SPATA16: variants seen among roughly 807,000 people sequenced by gnomAD.
SPATA16 encodes the protein spermatogenesis-associated protein 16.
A neutral mutation model predicts 63.3 loss-of-function variants in SPATA16; 36 were observed. The ratio of observed to expected loss-of-function variants is 0.57; its 90% confidence interval spans 0.44 to 0.75. SPATA16 has a LOEUF of 0.75. Ranked by LOEUF, SPATA16 falls within the 30% of genes least tolerant of loss-of-function variation. SPATA16 has a pLI of 0.00. For synonymous variants in SPATA16, 203 were observed against 216.7 expected, an observed-to-expected ratio of 0.94 and a Z score of 0.56; for missense variants, 646 against 679.3, an observed-to-expected ratio of 0.95 and a Z score of 0.54.
chr3:172,940,875 C>A (rs1051775879), intron 6 of SPATA16, among the ~76,000 whole-genome samples: 1 of 151,812 alleles, frequency 6.6e-6, no homozygotes, highest in Non-Finnish European at 1.5e-5. Flanking sequence ...CACAGCTACT[C>A]GGGAGGCTGA....
At chr3:172,922,321 T>C (rs1020936177) in intron 8 of SPATA16, among the ~76,000 whole-genome samples, 7 of 152,222 alleles carry the variant, frequency 4.6e-5, no homozygotes, top group African/African-American at 1.4e-4. Flanking sequence ...TGAAATTCCT[T>C]GCAGACAGCA....
At chr3:173,098,738 A>G (rs1011177368) in intron 2 of SPATA16, among the ~76,000 whole-genome samples, 4 of 152,188 alleles carry the variant, frequency 2.6e-5, no homozygotes, top group South Asian at 4.1e-4. Context: ...AGCAATGTGC[A>G]CTTACCAAAA....
intron 2 of SPATA16, among the ~76,000 whole-genome samples, chr3:173,086,573 T>C (rs1450275304): frequency 1.7e-4 from 26 of 152,192 alleles, no homozygotes; most frequent in Non-Finnish European, 3.5e-4. Context: ...TCTTGTATTC[T>C]GCTAGCTTTA....
At chr3:173,013,378 G>C (rs1465116582) in intron 4 of SPATA16, among the ~76,000 whole-genome samples, 1 of 152,180 alleles carries the variant, frequency 6.6e-6, no homozygotes, top group African/African-American at 2.4e-5. Context: ...AAGTGTTGCA[G>C]AATCAGGAGG....
At chr3:172,951,843 A>G (rs986904326) in intron 6 of SPATA16, among the ~76,000 whole-genome samples, 1 of 152,224 alleles carries the variant, frequency 6.6e-6, no homozygotes, top group Non-Finnish European at 1.5e-5. Flanking sequence ...GCTAGTCTCC[A>G]AGTTTTAATG....
chr3:173,099,097 C>T (rs934874520), intron 2 of SPATA16, among the ~76,000 whole-genome samples: 4 of 152,142 alleles, frequency 2.6e-5, no homozygotes, highest in South Asian at 4.1e-4. Flanking sequence ...GATAATCCTC[C>T]TTCTGACATA....
At chr3:173,046,457 T>G (rs1462347392) in intron 3 of SPATA16, among the ~76,000 whole-genome samples, 2 of 152,026 alleles carry the variant, frequency 1.3e-5, no homozygotes, top group African/African-American at 4.8e-5. Context: ...GTCTTCTCTA[T>G]GACAAAACAA....
chr3:172,999,701 A>G (rs1410185620), intron 4 of SPATA16, among the ~76,000 whole-genome samples: 1 of 152,200 alleles, frequency 6.6e-6, no homozygotes, highest in Non-Finnish European at 1.5e-5. Flanking sequence ...GGCGTGAGCC[A>G]CTGCGCCTGG....
At chr3:173,072,122 A>T (rs1736689586) in intron 2 of SPATA16, among the ~76,000 whole-genome samples, 1 of 152,140 alleles carries the variant, frequency 6.6e-6, no homozygotes, top group Admixed American at 6.5e-5. Context: ...TCACACATCC[A>T]TCCCTGTGCT....
chr3:173,099,491 T>G (rs533628141), intron 2 of SPATA16, among the ~76,000 whole-genome samples: 45 of 152,164 alleles, frequency 3.0e-4, no homozygotes, highest in Non-Finnish European at 5.9e-4. Context: ...GGTATGTATC[T>G]CCTGAGGATA....
At chr3:172,991,096 A>T (rs771688533) in intron 4 of SPATA16, among the ~76,000 whole-genome samples, 6 of 152,210 alleles carry the variant, frequency 3.9e-5, no homozygotes, top group Admixed American at 1.3e-4. Flanking sequence ...GGTTTTCCCA[A>T]GATAGTCCTA....
At chr3:172,987,688 T>G (rs1734487749) in intron 4 of SPATA16, among the ~76,000 whole-genome samples, 1 of 152,218 alleles carries the variant, frequency 6.6e-6, no homozygotes, top group Admixed American at 6.5e-5. Context: ...ATCCTGAATT[T>G]AACTTCGCTT....
chr3:172,953,270 C>G (rs1467656032), intron 6 of SPATA16, among the ~76,000 whole-genome samples: 1 of 152,146 alleles, frequency 6.6e-6, no homozygotes, highest in African/African-American at 2.4e-5. Context: ...AACCCCCCTC[C>G]CACCTCAATC....
intron 2 of SPATA16, among the ~76,000 whole-genome samples, chr3:173,055,078 A>G (rs553140678): frequency 6.6e-6 from 1 of 152,324 alleles, no homozygotes; most frequent in African/African-American, 2.4e-5. Context: ...TTGAAACTAC[A>G]ATGAGGTATC....
intron 1 of SPATA16, among the ~76,000 whole-genome samples, chr3:173,137,284 T>A (rs1453168289): frequency 1.3e-5 from 2 of 151,962 alleles, no homozygotes; most frequent in East Asian, 3.9e-4. Context: ...CCCAACCCCA[T>A]CCCATTATCT....
At chr3:172,916,088 A>G (rs1732477008) in intron 9 of SPATA16, among the ~76,000 whole-genome samples, 1 of 152,172 alleles carries the variant, frequency 6.6e-6, no homozygotes, top group Non-Finnish European at 1.5e-5. Context: ...ACACATCACA[A>G]CGTTTTTGCT....
At chr3:172,904,728 A>G (rs756770579) in intron 10 of SPATA16, among the ~76,000 whole-genome samples, 14 of 152,242 alleles carry the variant, frequency 9.2e-5, no homozygotes, top group South Asian at 2.1e-4. Flanking sequence ...GAAGTTTACC[A>G]TCTAGATTTG....
intron 2 of SPATA16, among the ~76,000 whole-genome samples, chr3:173,073,466 C>T (rs1736720110): frequency 6.6e-6 from 1 of 152,148 alleles, no homozygotes. Flanking sequence ...AGGGACTTAG[C>T]TGCTCCAGCC....
intron 4 of SPATA16, among the ~76,000 whole-genome samples, chr3:173,015,602 T>C (rs1003658421): frequency 1.3e-5 from 2 of 152,198 alleles, no homozygotes; most frequent in Admixed American, 6.5e-5. Context: ...GAATTTTATG[T>C]AATATCTTAT....
Sources: allele counts gnomAD v4.1 joint callset (sites outside exome capture counted in the v4.1 genomes callset), GRCh38; gene constraint gnomAD v4.1.1; transcripts MANE v1.5; gene names NCBI Gene and HGNC (gene_info 2026-07-23, HGNC 2026-07-21).